The following DPYD variants were observed in gnomAD, a reference collection of about 807,000 sequenced individuals.
DPYD encodes dihydropyrimidine dehydrogenase, also known as dihydropyrimidine dehydrogenase [NADP(+)].
DPYD carries 109 observed loss-of-function variants against 116.2 expected under a neutral mutation model. The ratio of observed to expected loss-of-function variants is 0.94; its 90% CI spans 0.80 to 1.10. The LOEUF is 1.10. Among genes scored for constraint, DPYD ranks in the 50% least tolerant of loss-of-function variants. DPYD has a pLI of 0.00. For synonymous variants in DPYD, 440 were observed against 432.0 expected, an observed-to-expected ratio of 1.02 and a Z score of -0.23; for missense variants, 1,302 against 1,254.5, an observed-to-expected ratio of 1.04 and a Z score of -0.57.
At chr1:97,326,324 T>C (rs1258949292) in intron 16 of DPYD, among the ~76,000 whole-genome samples, 1 of 151,952 alleles carries the variant, frequency 6.6e-6, no homozygotes, top group Non-Finnish European at 1.5e-5. Context: ...GAGGTCTCTA[T>C]GGGACATCTA....
At chr1:97,320,308 C>T (rs61787971) in intron 16 of DPYD, among the ~76,000 whole-genome samples, 30,109 of 127,110 alleles carry the variant, frequency 0.24, 4,568 homozygotes, top group Admixed American at 0.39. Flanking sequence ...TGTTTGCAGA[C>T]GACATGATTG....
At chr1:97,172,558 C>G (rs1656807119) in intron 20 of DPYD, among the ~76,000 whole-genome samples, 1 of 152,160 alleles carries the variant, frequency 6.6e-6, no homozygotes, top group Non-Finnish European at 1.5e-5. Context: ...TTAAATTTAT[C>G]ACTTCATTAT....
chr1:97,197,298 T>A lies in DPYD; in HGVS notation c.2443-4050A>T, dbSNP rs527378972. 6.6e-5 allele frequency among the ~76,000 whole-genome samples: 10 copies of A among 152,298 alleles called. No homozygotes were observed. The East Asian group carries it at 1.9e-3, about 29-fold the overall frequency. ...ACAGGGGTATTTTTTTTCTTTTGACTATAAAAGTCAACTGATGCTTTACTT... is the reference window on the plus strand; with the variant it reads ...ACAGGGGTATTTTTTTTCTTTTGACAATAAAAGTCAACTGATGCTTTACTT... On this transcript the variant is annotated intron_variant, in intron 19 of 22. Transcript: ENST00000370192.
chr1:97,776,443 C>T (rs1447683852), intron 3 of DPYD, among the ~76,000 whole-genome samples: 3 of 152,084 alleles, frequency 2.0e-5, no homozygotes, highest in African/African-American at 4.8e-5. Flanking sequence ...GAATATAGTG[C>T]GTAGTAGTTG....
chr1:97,427,014 A>G (rs1570716248), intron 14 of DPYD, among the ~76,000 whole-genome samples: 1 of 152,056 alleles, frequency 6.6e-6, no homozygotes, highest in Non-Finnish European at 1.5e-5. Context: ...TAGAAGAAGG[A>G]CTTTATTTTT....
At chr1:97,361,392 C>T (rs1199217369) in intron 16 of DPYD, among the ~76,000 whole-genome samples, 1 of 152,206 alleles carries the variant, frequency 6.6e-6, no homozygotes, top group Non-Finnish European at 1.5e-5. Flanking sequence ...GGAGTTGATA[C>T]CATTCCTTCT....
intron 18 of DPYD, among the ~76,000 whole-genome samples, chr1:97,273,244 T>A (rs1329679953): frequency 2.0e-5 from 3 of 152,162 alleles, no homozygotes; most frequent in African/African-American, 7.2e-5. Flanking sequence ...CATAATTCTC[T>A]AACTGTTCAG....
intron 19 of DPYD, among the ~76,000 whole-genome samples, chr1:97,197,963 T>TA (rs1658930058): frequency 6.6e-6 from 1 of 152,174 alleles, no homozygotes; most frequent in Non-Finnish European, 1.5e-5. Context: ...TCACACCACT[T>TA]ACGTACCTTT....
intron 3 of DPYD, among the ~76,000 whole-genome samples, chr1:97,745,435 T>A (rs556312488): frequency 6.6e-6 from 1 of 152,224 alleles, no homozygotes; most frequent in South Asian, 2.1e-4. Flanking sequence ...GAAGCAAATT[T>A]AGAACAGAAC....
At chr1:97,382,899 T>C (rs867456282) in intron 14 of DPYD, among the ~76,000 whole-genome samples, 7 of 150,970 alleles carry the variant, frequency 4.6e-5, no homozygotes, top group Admixed American at 6.6e-5. Flanking sequence ...AGAAAAAAAA[T>C]AGTGTCTCTT....
intron 1 of DPYD, among the ~76,000 whole-genome samples, chr1:97,890,150 G>C (rs925654112): frequency 6.6e-6 from 1 of 151,976 alleles, no homozygotes; most frequent in Non-Finnish European, 1.5e-5. Context: ...AAAAGGATAA[G>C]TGATTTCTTT....
chr1:97,809,342 T>A (rs1668237758), intron 3 of DPYD, among the ~76,000 whole-genome samples: 1 of 152,168 alleles, frequency 6.6e-6, no homozygotes, highest in African/African-American at 2.4e-5. Flanking sequence ...ATGCCTGTGA[T>A]TCTCATTTAA....
At chr1:97,235,774 G>A (rs1000519735) in intron 18 of DPYD, among the ~76,000 whole-genome samples, 1 of 152,198 alleles carries the variant, frequency 6.6e-6, no homozygotes, top group South Asian at 2.1e-4. Context: ...AAAAAGGCAA[G>A]GTGCTGATGA....
chr1:97,548,489 C>A (rs939784117), intron 12 of DPYD, among the ~76,000 whole-genome samples: 1 of 152,146 alleles, frequency 6.6e-6, no homozygotes, highest in Non-Finnish European at 1.5e-5. Flanking sequence ...GTAATCCCAG[C>A]ACTTTGGGAG....
At chr1:97,434,501 A>T (rs1675356834) in intron 14 of DPYD, among the ~76,000 whole-genome samples, 1 of 152,046 alleles carries the variant, frequency 6.6e-6, no homozygotes, top group Non-Finnish European at 1.5e-5. Flanking sequence ...AGGGATGCAT[A>T]AATTCTTTCT....
chr1:97,901,507 C>A (rs908292135), intron 1 of DPYD, among the ~76,000 whole-genome samples: 1 of 151,748 alleles, frequency 6.6e-6, no homozygotes, highest in Non-Finnish European at 1.5e-5. Context: ...GTTAAGGAAG[C>A]TCTAGCAGGA....
chr1:97,794,370 C>G (rs1173712542), intron 3 of DPYD, among the ~76,000 whole-genome samples: 1 of 151,380 alleles, frequency 6.6e-6, no homozygotes. Flanking sequence ...CAGAAACAAG[C>G]CGACCAAAAA....
At chr1:97,283,858 G>GTA (rs1383769873) in intron 18 of DPYD, among the ~76,000 whole-genome samples, 5 of 152,116 alleles carry the variant, frequency 3.3e-5, no homozygotes, top group Admixed American at 3.3e-4. Context: ...GGGTCCAAGA[G>GTA]TATAAGCCTT....
intron 3 of DPYD, among the ~76,000 whole-genome samples, chr1:97,807,191 T>C (rs1378333726): frequency 6.6e-6 from 1 of 152,088 alleles, no homozygotes; most frequent in African/African-American, 2.4e-5. Flanking sequence ...ATGCAATTGC[T>C]GGACTGGATA....
Sources: allele counts gnomAD v4.1 joint callset (sites outside exome capture counted in the v4.1 genomes callset), GRCh38; gene constraint gnomAD v4.1.1; transcripts MANE v1.5; gene names NCBI Gene and HGNC (gene_info 2026-07-23, HGNC 2026-07-21).